Variants in AGBL4 observed in about 807,000 individuals in gnomAD.
The protein encoded by AGBL4 is AGBL carboxypeptidase 4.
A neutral mutation model predicts 66.4 loss-of-function variants in AGBL4; 58 were observed. The ratio of observed to expected loss-of-function variants is 0.87; its 90% CI spans 0.71 to 1.09. The LOEUF (loss-of-function observed/expected upper bound fraction) is 1.09, where lower values mean the gene tolerates loss of function less well. Ranked by LOEUF, AGBL4 falls within the 50% of genes least tolerant of loss-of-function variation. AGBL4 has a pLI of 0.00. For synonymous variants in AGBL4, 234 were observed against 222.9 expected (o/e 1.05, Z -0.44); for missense variants, 579 against 631.0 (o/e 0.92, Z 0.88).
chr1:49,813,357 T>G (rs573384392), intron 2 of AGBL4, among the ~76,000 whole-genome samples: 19 of 152,154 alleles, frequency 1.2e-4, no homozygotes, highest in Non-Finnish European at 2.4e-4. Context: ...TAAGACACTC[T>G]CCTGCTATAA....
chr1:48,811,398 A>G (rs1295966015), intron 6 of AGBL4, among the ~76,000 whole-genome samples: 2 of 152,144 alleles, frequency 1.3e-5, no homozygotes, highest in Non-Finnish European at 2.9e-5. Context: ...CTGAATCCCA[A>G]TTTTGTGCCT....
At chr1:49,766,008 A>G (rs1652706601) in intron 2 of AGBL4, among the ~76,000 whole-genome samples, 1 of 152,214 alleles carries the variant, frequency 6.6e-6, no homozygotes. Context: ...AACTTGGAAA[A>G]CATATTTCAG....
chr1:48,644,686 G>T (rs1645807420), intron 8 of AGBL4, among the ~76,000 whole-genome samples: 1 of 152,220 alleles, frequency 6.6e-6, no homozygotes, highest in Non-Finnish European at 1.5e-5. Flanking sequence ...GGAACAGATG[G>T]GAGTGGATGC....
At chr1:48,970,512 A>T (rs1391214755) in intron 5 of AGBL4, among the ~76,000 whole-genome samples, 3 of 152,214 alleles carry the variant, frequency 2.0e-5, no homozygotes, top group Non-Finnish European at 2.9e-5. Context: ...CTCCATTTTC[A>T]TTAAGTTTTC....
At chr1:48,565,438 G>C (rs1644461327) in intron 11 of AGBL4, among the ~76,000 whole-genome samples, 1 of 152,170 alleles carries the variant, frequency 6.6e-6, no homozygotes, top group Non-Finnish European at 1.5e-5. Context: ...ACATGACTGG[G>C]TCTCCTTGTT....
chr1:48,720,641 T>C (rs1647130898), intron 6 of AGBL4, among the ~76,000 whole-genome samples: 1 of 152,230 alleles, frequency 6.6e-6, no homozygotes, highest in Admixed American at 6.5e-5. Flanking sequence ...AAATGTTCAA[T>C]AAATATTAGT....
At chr1:49,901,815 A>C (rs1395062248) in intron 1 of AGBL4, among the ~76,000 whole-genome samples, 1 of 152,242 alleles carries the variant, frequency 6.6e-6, no homozygotes, top group East Asian at 1.9e-4. Context: ...TAACCAAAAC[A>C]GCACTGTACT....
intron 3 of AGBL4, among the ~76,000 whole-genome samples, chr1:49,420,104 A>G (rs1415179726): frequency 6.6e-6 from 1 of 152,186 alleles, no homozygotes; most frequent in African/African-American, 2.4e-5. Context: ...AATAGCACAA[A>G]TGACCTGAAA....
At chr1:49,109,345 T>C (rs565348385) in intron 4 of AGBL4, among the ~76,000 whole-genome samples, 1 of 152,152 alleles carries the variant, frequency 6.6e-6, no homozygotes, top group Non-Finnish European at 1.5e-5. Flanking sequence ...CTGTTAGGGC[T>C]CTTCTCACCA....
At chr1:49,284,360 C>G (rs950257460) in intron 3 of AGBL4, among the ~76,000 whole-genome samples, 13 of 151,998 alleles carry the variant, frequency 8.6e-5, no homozygotes, top group African/African-American at 1.2e-4. Flanking sequence ...CCTAAAAGAG[C>G]TCCTGAAGGA....
At chr1:49,148,534 C>A (rs1178326052) in intron 4 of AGBL4, among the ~76,000 whole-genome samples, 2 of 152,254 alleles carry the variant, frequency 1.3e-5, no homozygotes, top group Non-Finnish European at 2.9e-5. Context: ...TAAGTGGGGA[C>A]CCTCCCAGAC....
At chr1:48,597,379 T>A (rs939098265) in intron 9 of AGBL4, among the ~76,000 whole-genome samples, 1 of 152,048 alleles carries the variant, frequency 6.6e-6, no homozygotes, top group Non-Finnish European at 1.5e-5. Context: ...ACTATAAACA[T>A]CAGATAAGCA....
intron 3 of AGBL4, among the ~76,000 whole-genome samples, chr1:49,468,448 C>A (rs1400055305): frequency 6.6e-6 from 1 of 151,636 alleles, no homozygotes; most frequent in African/African-American, 2.4e-5. Context: ...AGATCAAAGT[C>A]CCCCAAAATA....
At chr1:48,615,361 C>T (rs879544948) in intron 9 of AGBL4, among the ~76,000 whole-genome samples, 1 of 152,094 alleles carries the variant, frequency 6.6e-6, no homozygotes, top group African/African-American at 2.4e-5. Flanking sequence ...CTGCATCTTA[C>T]CAAGATGTAG....
In AGBL4 at chr1:50,023,933, C is replaced by A. The variant is rs530993441; in HGVS notation, c.-137G>T. 1.8e-3 allele frequency: 1,707 copies of A among 969,862 alleles called. 12 individuals are homozygous for A. Among genetic ancestry groups the A allele is most frequent in the South Asian group, 0.011 (529 of 46,520 alleles). The allele number at this position is 969,862 out of a possible 1,614,324, so 60.1% of individuals were successfully genotyped here. ...TTGCCTGGGCAACGGGCGGCAGGCG[C>A]GCGGGTGGCCGGCGCGCGGCTGAGG... On this transcript the variant is annotated 5_prime_UTR_variant, in exon 1 of 14. Transcript: ENST00000371839.
chr1:49,744,362 T>C (rs1429965409), intron 2 of AGBL4, among the ~76,000 whole-genome samples: 1 of 152,158 alleles, frequency 6.6e-6, no homozygotes, highest in African/African-American at 2.4e-5. Flanking sequence ...CCTTTTGCCA[T>C]GATTGGAAAC....
chr1:49,290,768 T>C (rs577880527), intron 3 of AGBL4, among the ~76,000 whole-genome samples: 4 of 152,114 alleles, frequency 2.6e-5, no homozygotes, highest in Non-Finnish European at 5.9e-5. Flanking sequence ...GAGGCCAAGA[T>C]AGGGGAATTA....
chr1:49,804,606 T>C (rs1455423836), intron 2 of AGBL4, among the ~76,000 whole-genome samples: 2 of 152,222 alleles, frequency 1.3e-5, no homozygotes, highest in Non-Finnish European at 2.9e-5. Context: ...GATAGTTTTG[T>C]TATATTACTG....
chr1:48,645,138 C>T (rs936677918), intron 8 of AGBL4, among the ~76,000 whole-genome samples: 1 of 152,192 alleles, frequency 6.6e-6, no homozygotes, highest in African/African-American at 2.4e-5. Flanking sequence ...TTGGTTTTGG[C>T]GGTGTGCACT....
Sources: gnomAD v4.1 joint callset for allele counts (sites outside exome capture counted in the v4.1 genomes callset) on GRCh38, gnomAD v4.1.1 for gene constraint, MANE v1.5 for transcripts, NCBI Gene and HGNC (gene_info 2026-07-23, HGNC 2026-07-21) for gene names.